DGCR2: variants seen among roughly 807,000 people sequenced by gnomAD.
DGCR2 encodes DiGeorge syndrome critical region gene 2, also known as integral membrane protein DGCR2/IDD.
Under a neutral mutation model 51.6 loss-of-function variants are expected in DGCR2, and 24 were observed. The observed-to-expected ratio is 0.47, with a 90% CI of 0.34 to 0.65. DGCR2 has a LOEUF of 0.65. DGCR2 is among the 30% of genes least tolerant of loss of function. The pLI is 0.01. For synonymous variants in DGCR2, 340 were observed against 315.4 expected (o/e 1.08, Z -0.82); for missense variants, 765 against 772.1 (o/e 0.99, Z 0.11).
At chr22:19,117,022 G>T (rs2238758) in intron 1 of DGCR2, among the ~76,000 whole-genome samples, 27,119 of 152,004 alleles carry the variant, frequency 0.18, 2,576 homozygotes, top group South Asian at 0.29. Context: ...TCCCACCATG[G>T]CTAAGAGGAC....
At chr22:19,100,897 G>A (rs989991943) in intron 1 of DGCR2, among the ~76,000 whole-genome samples, 3 of 151,984 alleles carry the variant, frequency 2.0e-5, no homozygotes, top group Non-Finnish European at 4.4e-5. Flanking sequence ...TTGAGGTCAG[G>A]AGTTCAAGAC....
intron 2 of DGCR2, among the ~76,000 whole-genome samples, chr22:19,071,516 A>C (rs1569061202): frequency 6.6e-6 from 1 of 152,208 alleles, no homozygotes; most frequent in Non-Finnish European, 1.5e-5. Context: ...CTAATCCTGA[A>C]GAAAGAGACA....
At chr22:19,078,342 TTTC>T (rs1569066199) in intron 2 of DGCR2, among the ~76,000 whole-genome samples, 7 of 152,290 alleles carry the variant, frequency 4.6e-5, no homozygotes, top group African/African-American at 1.7e-4. Flanking sequence ...ATGGAATTAT[TTTC>T]TTAATTTCCT....
At chr22:19,063,496 G>A (rs183454253) in intron 4 of DGCR2, among the ~76,000 whole-genome samples, 58 of 150,946 alleles carry the variant, frequency 3.8e-4, no homozygotes, top group African/African-American at 1.3e-3. Flanking sequence ...AGGCCACCAC[G>A]CCCAGCTAAT....
intron 9 of DGCR2, among the ~76,000 whole-genome samples, chr22:19,039,894 TGGA>T: frequency 6.9e-6 from 1 of 145,802 alleles, no homozygotes. Context: ...GAATTTTTTG[TGGA>T]GAAGGAGGTC....
At chr22:19,118,660 C>T (rs1373189358) in intron 1 of DGCR2, among the ~76,000 whole-genome samples, 1 of 152,196 alleles carries the variant, frequency 6.6e-6, no homozygotes, top group Admixed American at 6.5e-5. Context: ...CCTAGCTGAG[C>T]ACAGGCCCTG....
Position 19,122,233 on chromosome 22 carries a change from C to T in DGCR2, c.-27G>A, listed in dbSNP as rs1009736031. ...TATCCTCCGTTCATCGTCCCCGGGG[C>T]GGCTGGAAGGCCGGACCAGGCCGGA... On this transcript the variant is annotated 5_prime_UTR_variant, in exon 1 of 10. Transcript: ENST00000263196. 5 of 1,474,390 alleles carry T rather than the reference C, an allele frequency of 3.4e-6. No individual in the cohort carries two copies. Among genetic ancestry groups the T allele is most frequent in the African/African-American group, 1.5e-5 (1 of 67,688 alleles). 91.3% of individuals were successfully genotyped at this position (1,474,390 alleles called of 1,614,324 possible). A position where few individuals can be genotyped will look rare whatever the true frequency, so the allele number is the denominator to read the frequency against.
chr22:19,058,187 G>A lies in DGCR2; in HGVS notation c.626-1025C>T, dbSNP rs575090056. ...CCAGTGAGTCTGGAGGCAGGCCTAT[G>A]CTGTGGGCCTGTGGACACATGGTGC... On this transcript the variant is annotated intron_variant, in intron 5 of 9. Transcript: ENST00000263196. 7.2e-5 allele frequency among the ~76,000 whole-genome samples: 11 copies of A among 152,336 alleles called. No homozygotes were observed. The East Asian group carries it at 1.9e-3, about 27-fold the overall frequency.
intron 1 of DGCR2, among the ~76,000 whole-genome samples, chr22:19,105,168 C>CA (rs1298502139): frequency 1.3e-5 from 2 of 152,190 alleles, no homozygotes; most frequent in African/African-American, 4.8e-5. Context: ...ACTAAAAATA[C>CA]AAAAATTAGC....
intron 1 of DGCR2, among the ~76,000 whole-genome samples, chr22:19,092,557 G>A (rs2083090549): frequency 6.6e-6 from 1 of 152,068 alleles, no homozygotes; most frequent in Non-Finnish European, 1.5e-5. Flanking sequence ...AGCCCTAAAA[G>A]GAATTGAATT....
chr22:19,109,982 C>T (rs2083297495), intron 1 of DGCR2, among the ~76,000 whole-genome samples: 1 of 152,224 alleles, frequency 6.6e-6, no homozygotes, highest in African/African-American at 2.4e-5. Context: ...CTGCCCAGTT[C>T]CTCCCTTGTC....
intron 1 of DGCR2, among the ~76,000 whole-genome samples, chr22:19,114,118 T>TC (rs1415876261): frequency 7.1e-6 from 1 of 141,150 alleles, no homozygotes; most frequent in Non-Finnish European, 1.5e-5. Flanking sequence ...CCCGACCCAT[T>TC]CCCACCTTTC....
intron 1 of DGCR2, among the ~76,000 whole-genome samples, chr22:19,093,920 T>A (rs541532481): frequency 6.6e-6 from 1 of 152,140 alleles, no homozygotes; most frequent in African/African-American, 2.4e-5. Flanking sequence ...GCAAGAGGAC[T>A]GCCTAAGCCT....
intron 2 of DGCR2, among the ~76,000 whole-genome samples, chr22:19,070,085 G>C (rs2082797126): frequency 6.6e-6 from 1 of 152,100 alleles, no homozygotes; most frequent in Non-Finnish European, 1.5e-5. Flanking sequence ...GCAGTACTTG[G>C]GGACCATCAG....
At chr22:19,078,570 T>A (rs1601244222) in intron 2 of DGCR2, among the ~76,000 whole-genome samples, 1 of 152,234 alleles carries the variant, frequency 6.6e-6, no homozygotes, top group East Asian at 1.9e-4. Context: ...TCTTCTTGAT[T>A]AATTACTGTG....
chr22:19,084,060 C>T (rs945578702), intron 2 of DGCR2, among the ~76,000 whole-genome samples: 3 of 152,038 alleles, frequency 2.0e-5, no homozygotes, highest in African/African-American at 4.8e-5. Context: ...GGCGTGATCT[C>T]GGCTCGCTAC....
intron 5 of DGCR2, among the ~76,000 whole-genome samples, chr22:19,058,135 G>A (rs1022144433): frequency 1.3e-5 from 2 of 152,158 alleles, no homozygotes; most frequent in African/African-American, 2.4e-5. Flanking sequence ...TACCCAGCAC[G>A]AAACATGGGG....
intron 7 of DGCR2, 48 bp from the exon 8 acceptor site, chr22:19,042,007 C>T (rs778699470): frequency 1.6e-5 from 25 of 1,582,144 alleles, no homozygotes; most frequent in East Asian, 1.1e-4. Flanking sequence ...GGGCCACCCT[C>T]GTGCTACGCT....
At chr22:19,120,314 C>A (rs1266988167) in intron 1 of DGCR2, among the ~76,000 whole-genome samples, 2 of 152,186 alleles carry the variant, frequency 1.3e-5, no homozygotes, top group Admixed American at 1.3e-4. Context: ...TCCTGTGACG[C>A]CCTCACTGCT....
Sources: gnomAD v4.1 joint callset for allele counts (sites outside exome capture counted in the v4.1 genomes callset) on GRCh38, gnomAD v4.1.1 for gene constraint, MANE v1.5 for transcripts, NCBI Gene and HGNC (gene_info 2026-07-23, HGNC 2026-07-21) for gene names.